BANK1: variants seen among roughly 807,000 people sequenced by gnomAD.
BANK1 encodes B-cell scaffold protein with ankyrin repeats.
Under a neutral mutation model 94.5 loss-of-function variants are expected in BANK1, and 95 were observed. That is an observed-to-expected ratio of 1.00 (90% CI 0.85 to 1.19). BANK1 has a LOEUF of 1.19. Among genes scored for constraint, BANK1 ranks in the 50% most tolerant of loss-of-function variants. The probability of loss-of-function intolerance (pLI) is 0.00; values close to 1 mark genes in which losing one functional copy is unlikely to be tolerated. For missense variants in BANK1, 987 were observed against 932.2 expected (o/e 1.06, Z -0.77); for synonymous variants, 334 against 308.4 (o/e 1.08, Z -0.87).
chr4:101,961,457 A>G (rs537618402), intron 7 of BANK1, among the ~76,000 whole-genome samples: 54 of 152,154 alleles, frequency 3.5e-4, no homozygotes, highest in Non-Finnish European at 7.1e-4. Context: ...GACAGATTCA[A>G]TTCTCTGATG....
At chr4:101,970,907 G>T (rs757799651) in intron 7 of BANK1, among the ~76,000 whole-genome samples, 4 of 152,042 alleles carry the variant, frequency 2.6e-5, no homozygotes, top group Admixed American at 6.6e-5. Context: ...CTGTTTAGCA[G>T]GATTCTAAAC....
chr4:101,996,776 A>AT (rs1305965484), intron 7 of BANK1, among the ~76,000 whole-genome samples: 1 of 152,102 alleles, frequency 6.6e-6, no homozygotes. Flanking sequence ...TTGCACATTG[A>AT]TTTTGTATCC....
intron 2 of BANK1, among the ~76,000 whole-genome samples, chr4:101,849,640 G>A (rs1036918349): frequency 6.6e-6 from 1 of 151,986 alleles, no homozygotes. Context: ...TTATGTGTGT[G>A]TATATATACA....
intron 1 of BANK1, among the ~76,000 whole-genome samples, chr4:101,814,098 T>TA (rs1725814752): frequency 6.6e-6 from 1 of 152,128 alleles, no homozygotes; most frequent in South Asian, 2.1e-4. Flanking sequence ...ACTCTGTACA[T>TA]AAAAAAGCCC....
intron 5 of BANK1, among the ~76,000 whole-genome samples, chr4:101,889,249 T>G (rs1437106193): frequency 6.6e-6 from 1 of 152,186 alleles, no homozygotes; most frequent in Non-Finnish European, 1.5e-5. Context: ...AGGGTTTGTA[T>G]TGATATCTTT....
chr4:101,823,188 C>G (rs1350073161), intron 1 of BANK1, among the ~76,000 whole-genome samples: 1 of 152,094 alleles, frequency 6.6e-6, no homozygotes, highest in Non-Finnish European at 1.5e-5. Flanking sequence ...TCCCTTAATA[C>G]AAATTATTGG....
chr4:102,008,103 G>C (rs891361684), intron 7 of BANK1, among the ~76,000 whole-genome samples: 1 of 152,134 alleles, frequency 6.6e-6, no homozygotes, highest in Non-Finnish European at 1.5e-5. Flanking sequence ...CCACAGTGCA[G>C]ATGGTTTTGA....
intron 7 of BANK1, among the ~76,000 whole-genome samples, chr4:101,994,596 A>G (rs1047878578): frequency 6.6e-5 from 10 of 152,268 alleles, no homozygotes; most frequent in Middle Eastern, 6.8e-3. Flanking sequence ...GGAATCAGAA[A>G]AGCAGTATGT....
chr4:101,970,509 G>A (rs1298974026), intron 7 of BANK1, among the ~76,000 whole-genome samples: 1 of 152,088 alleles, frequency 6.6e-6, no homozygotes, highest in Non-Finnish European at 1.5e-5. Flanking sequence ...CCACTCTCCT[G>A]GAGGGGAGAG....
At chr4:101,795,461 C>T (rs983497381) in intron 1 of BANK1, among the ~76,000 whole-genome samples, 2 of 151,904 alleles carry the variant, frequency 1.3e-5, no homozygotes, top group Non-Finnish European at 2.9e-5. Context: ...CACAAAAGGG[C>T]ATGATTCTAT....
intron 1 of BANK1, among the ~76,000 whole-genome samples, chr4:101,794,665 T>A (rs1725095239): frequency 6.6e-6 from 1 of 152,142 alleles, no homozygotes; most frequent in South Asian, 2.1e-4. Flanking sequence ...AAATATCAGA[T>A]ATCATATGGA....
At chr4:102,049,491 G>C (rs201895234) in intron 11 of BANK1, among the ~76,000 whole-genome samples, 1 of 152,128 alleles carries the variant, frequency 6.6e-6, no homozygotes, top group Non-Finnish European at 1.5e-5. Context: ...CTGCCTCCCT[G>C]TAATCATAGA....
intron 1 of BANK1, among the ~76,000 whole-genome samples, chr4:101,816,411 A>G (rs1216730365): frequency 6.6e-6 from 1 of 152,154 alleles, no homozygotes; most frequent in Admixed American, 6.5e-5. Context: ...CTCTAAATCA[A>G]AGTGGTCTCT....
chr4:102,048,650 A>G (rs1026427897), intron 11 of BANK1, among the ~76,000 whole-genome samples: 2 of 152,132 alleles, frequency 1.3e-5, no homozygotes, highest in African/African-American at 2.4e-5. Context: ...TCTCTAAAGA[A>G]GGTAAAAAGG....
chr4:102,010,486 G>A (rs930268323), intron 7 of BANK1, among the ~76,000 whole-genome samples: 12 of 148,042 alleles, frequency 8.1e-5, no homozygotes, highest in Non-Finnish European at 4.5e-5. Context: ...TCCGCCTCCC[G>A]GGTTCCAGCA....
Position 102,021,608 on chromosome 4 carries a change from T to TTATATA in BANK1, c.1285+24_1285+29dup. 1.0e-6 allele frequency: 1 copy of TTATATA among 960,872 alleles called. No individual in the cohort carries two copies. The highest frequency in any genetic ancestry group is 1.5e-6 in the Non-Finnish European group (1 of 660,318). 59.5% of individuals were successfully genotyped at this position (960,872 alleles called of 1,614,324 possible). ...TATATTCCTTGTAAGTTTTTCCATG[T>TTATATA]TATATATATATATGACATATTCATA... On this transcript the variant is annotated intron_variant, in intron 8 of 16. Transcript: ENST00000322953.
chr4:101,921,498 T>G (rs1722996436), intron 7 of BANK1, among the ~76,000 whole-genome samples: 1 of 151,932 alleles, frequency 6.6e-6, no homozygotes, highest in African/African-American at 2.4e-5. Flanking sequence ...GCTTTGAGAT[T>G]TAAGATAAAG....
chr4:102,017,865 T>A (rs1445977097), intron 7 of BANK1, among the ~76,000 whole-genome samples: 1 of 152,240 alleles, frequency 6.6e-6, no homozygotes, highest in African/African-American at 2.4e-5. Flanking sequence ...TTTCTACTTT[T>A]ATTTTCCTTG....
intron 6 of BANK1, 44 bp downstream of exon 6, chr4:101,895,454 C>T: frequency 8.5e-7 from 1 of 1,169,696 alleles, no homozygotes; most frequent in Non-Finnish European, 1.3e-6. Context: ...TTATCACATT[C>T]CATTCTATGT....
Sources: allele counts gnomAD v4.1 joint callset (sites outside exome capture counted in the v4.1 genomes callset), GRCh38; gene constraint gnomAD v4.1.1; transcripts MANE v1.5; gene names NCBI Gene and HGNC (gene_info 2026-07-23, HGNC 2026-07-21).